The following DCC variants were observed in gnomAD, a reference collection of about 807,000 sequenced individuals.
The protein encoded by DCC is netrin receptor DCC.
Under a neutral mutation model 172.5 loss-of-function variants are expected in DCC, and 58 were observed. The ratio of observed to expected loss-of-function variants is 0.34; its 90% CI spans 0.27 to 0.42. DCC has a LOEUF of 0.42. DCC is among the 10% of genes least tolerant of loss of function. The probability of loss-of-function intolerance (pLI) is 1.00; values close to 1 mark genes in which losing one functional copy is unlikely to be tolerated. For missense variants in DCC, 1,740 were observed against 1,791.0 expected (o/e 0.97, Z 0.51); for synonymous variants, 709 against 644.5 (o/e 1.10, Z -1.52).
At chr18:52,954,641 C>T (rs2040712094) in intron 5 of DCC, among the ~76,000 whole-genome samples, 1 of 152,074 alleles carries the variant, frequency 6.6e-6, no homozygotes, top group African/African-American at 2.4e-5. Flanking sequence ...CAATTATTTC[C>T]ACAAAGCTAT....
intron 7 of DCC, among the ~76,000 whole-genome samples, chr18:53,089,574 A>G (rs2042972694): frequency 8.0e-6 from 1 of 125,344 alleles, no homozygotes. Flanking sequence ...TTTCCTCCTA[A>G]CTAAAAAAAA....
intron 1 of DCC, among the ~76,000 whole-genome samples, chr18:52,544,762 A>C (rs193027005): frequency 5.3e-5 from 8 of 152,330 alleles, no homozygotes; most frequent in Admixed American, 4.6e-4. Flanking sequence ...AGATTGATAG[A>C]TATATCTATT....
Position 53,526,752 on chromosome 18 carries a change from C to T in DCC, c.4247C>T (p.Ser1416Leu). 2 of 1,613,364 alleles carry T rather than the reference C, an allele frequency of 1.2e-6. No individual in the cohort carries two copies. Among genetic ancestry groups the T allele is most frequent in the Non-Finnish European group, 1.7e-6 (2 of 1,179,578 alleles). The change falls in exon 28 of 29, where the codon TCA (serine) becomes TTA (leucine). Residue 1416 changes from serine to leucine, a missense_variant. Ser to Leu is a moderately radical substitution (Grantham distance 145, BLOSUM62 -2). Coordinates refer to ENST00000442544, the MANE Select transcript of DCC (RefSeq NM_005215.4). Reference sequence around the variant, plus strand: ...GAGAGCCACAAACCAACAGAGGATTCAGCCAATGTAAGGGCATCTTTAAAA... The same window carrying T: ...GAGAGCCACAAACCAACAGAGGATTTAGCCAATGTAAGGGCATCTTTAAAA... The part of the protein sequence containing the change: ...SEESHKPTED[S>L]ANVYEQDDLS...
At chr18:53,131,953 A>ATTTTTTTTTTTTTTTTTTTTT (rs71175556) in intron 7 of DCC, among the ~76,000 whole-genome samples, 2 of 58,260 alleles carry the variant, frequency 3.4e-5, no homozygotes, top group Admixed American at 2.9e-4. Context: ...TCTCTAAGTG[A>ATTTTTTTTTTTTTTTTTTTTT]TTTTTTTTTT....
intron 12 of DCC, among the ~76,000 whole-genome samples, chr18:53,301,204 C>T (rs1280046957): frequency 6.6e-6 from 1 of 151,664 alleles, no homozygotes; most frequent in East Asian, 1.9e-4. Flanking sequence ...ATTCTCCTGT[C>T]TCAGCCTCCC....
chr18:52,609,685 G>A (rs111679630), intron 1 of DCC, among the ~76,000 whole-genome samples: 3,240 of 151,572 alleles, frequency 0.021, 110 homozygotes, highest in African/African-American at 0.072. Flanking sequence ...ATTATATGCT[G>A]TGGAATTCTG....
intron 2 of DCC, among the ~76,000 whole-genome samples, chr18:52,810,933 C>T (rs1276245287): frequency 1.3e-5 from 2 of 152,080 alleles, no homozygotes; most frequent in Admixed American, 6.6e-5. Flanking sequence ...AGAGGGATGG[C>T]AGATGGCACG....
At chr18:53,077,500 C>T (rs2042739916) in intron 7 of DCC, among the ~76,000 whole-genome samples, 2 of 152,066 alleles carry the variant, frequency 1.3e-5, no homozygotes, top group African/African-American at 4.8e-5. Context: ...CCCGTTTTTC[C>T]CTGATGCCAA....
At chr18:52,901,413 G>A (rs2039807052) in intron 2 of DCC, among the ~76,000 whole-genome samples, 1 of 152,010 alleles carries the variant, frequency 6.6e-6, no homozygotes, top group South Asian at 2.1e-4. Flanking sequence ...CTGGGCGATA[G>A]TGTATAAGAC....
intron 3 of DCC, among the ~76,000 whole-genome samples, chr18:52,915,203 T>G (rs1211865838): frequency 6.6e-6 from 1 of 152,138 alleles, no homozygotes; most frequent in Non-Finnish European, 1.5e-5. Flanking sequence ...AATAACTGTT[T>G]AGGGAAATGG....
chr18:52,559,764 A>T (rs2032995908), intron 1 of DCC, among the ~76,000 whole-genome samples: 1 of 152,194 alleles, frequency 6.6e-6, no homozygotes, highest in Non-Finnish European at 1.5e-5. Flanking sequence ...AAATTTTAAA[A>T]GGCTGCCAAA....
At chr18:52,972,982 G>C (rs986728907) in intron 5 of DCC, among the ~76,000 whole-genome samples, 7 of 152,340 alleles carry the variant, frequency 4.6e-5, no homozygotes, top group African/African-American at 9.6e-5. Context: ...TCTAGACACA[G>C]AGAAATGGGT....
chr18:52,925,093 G>C (rs2040180687), intron 4 of DCC, 141 bp from the exon 5 acceptor site: 1 of 810,868 alleles, frequency 1.2e-6, no homozygotes, highest in African/African-American at 1.7e-5. Context: ...CAATAAGTGA[G>C]ACTTTAATCA....
chr18:52,925,173 G>A, intron 4 of DCC, 61 bp from the exon 5 acceptor site: 1 of 1,520,764 alleles, frequency 6.6e-7, no homozygotes, highest in South Asian at 1.1e-5. Flanking sequence ...TTAAAGCTCT[G>A]AGTATCTTGC....
intron 15 of DCC, among the ~76,000 whole-genome samples, chr18:53,354,229 G>A (rs1305946267): frequency 2.0e-5 from 3 of 152,172 alleles, no homozygotes; most frequent in Admixed American, 2.0e-4. Flanking sequence ...ACATACGTGT[G>A]CATGTGTCTT....
chr18:53,247,278 T>C (rs2056376373), intron 12 of DCC, among the ~76,000 whole-genome samples: 1 of 152,014 alleles, frequency 6.6e-6, no homozygotes, highest in Non-Finnish European at 1.5e-5. Flanking sequence ...ATCCTAAGTC[T>C]AAGGAAGCTG....
chr18:52,947,443 A>G (rs903744016), intron 5 of DCC, among the ~76,000 whole-genome samples: 7 of 152,134 alleles, frequency 4.6e-5, no homozygotes, highest in Admixed American at 3.9e-4. Context: ...GAAATTCCCT[A>G]TAGTTGGACT....
intron 25 of DCC, among the ~76,000 whole-genome samples, chr18:53,475,268 G>C (rs1177703802): frequency 6.6e-6 from 1 of 152,212 alleles, no homozygotes; most frequent in Admixed American, 6.5e-5. Context: ...ATTGAAGCTG[G>C]CTGCAGAAAT....
chr18:52,930,203 G>T (rs1241626915), intron 5 of DCC, among the ~76,000 whole-genome samples: 1 of 151,966 alleles, frequency 6.6e-6, no homozygotes, highest in East Asian at 1.9e-4. Context: ...GGGCTGAAGT[G>T]ATCCTGCCAC....
Sources: allele counts gnomAD v4.1 joint callset (sites outside exome capture counted in the v4.1 genomes callset), GRCh38; gene constraint gnomAD v4.1.1; transcripts MANE v1.5; gene names NCBI Gene and HGNC (gene_info 2026-07-23, HGNC 2026-07-21).